HEG1: variants seen among roughly 807,000 people sequenced by gnomAD.
HEG1 encodes the protein protein HEG homolog 1.
In HEG1, 56 loss-of-function variants were observed where a neutral mutation model predicts 125.6. The ratio of observed to expected loss-of-function variants is 0.45; its 90% CI spans 0.36 to 0.56. The LOEUF (loss-of-function observed/expected upper bound fraction) is 0.56. HEG1 is among the 20% of genes least tolerant of loss of function. The probability of loss-of-function intolerance (pLI) is 0.00; values close to 1 mark genes in which losing one functional copy is unlikely to be tolerated. For missense variants in HEG1, 1,523 were observed against 1,670.0 expected (o/e 0.91, Z 1.53); for synonymous variants, 644 against 668.5 (o/e 0.96, Z 0.57).
chr3:125,046,571 CA>C (rs1313625226), intron 1 of HEG1, among the ~76,000 whole-genome samples: 8 of 152,094 alleles, frequency 5.3e-5, no homozygotes, highest in African/African-American at 1.9e-4. Flanking sequence ...GTGCCCGACC[CA>C]ACTGGCTAGT....
intron 1 of HEG1, among the ~76,000 whole-genome samples, chr3:125,050,702 C>T (rs1292075056): frequency 6.6e-6 from 1 of 152,136 alleles, no homozygotes; most frequent in Non-Finnish European, 1.5e-5. Flanking sequence ...CTGAATGTTC[C>T]CTGGGGGCAT....
Position 125,029,346 on chromosome 3 carries a change from A to G in HEG1, c.459T>C (p.Ala153=). The G allele has an allele frequency of 6.2e-7, 1 of 1,613,966 alleles. No homozygotes were observed. The highest frequency in any genetic ancestry group is 8.5e-7 in the Non-Finnish European group (1 of 1,179,904). ...MVQTSGKSHA[A]SDAPENLTLL... is the part of the protein sequence containing the mutation. ...GAGTGAGGTTTTCTGGAGCATCCGA[A>G]GCAGCATGGCTCTTCCCAGAGGTCT... Residue 153 remains alanine, a synonymous_variant, in exon 2 of 17, where the codon GCT becomes GCC. Transcript: ENST00000311127.
rs139844815 is a variant in HEG1 at position 124,972,376 on chromosome 3, A to C, written c.3996+1355T>G. On this transcript the variant is annotated intron_variant, in intron 16 of 16. Transcript: ENST00000311127. ...TAAACAGAGAAACAAAGCCCAATGC[A>C]GAAATATCAATGGGAATATTTTTGC... 9.2e-3 allele frequency among the ~76,000 whole-genome samples: 1,407 copies of C among 152,384 alleles called. 15 individuals are homozygous for C. The highest frequency in any genetic ancestry group is 0.014 in the Non-Finnish European group (986 of 68,044).
At chr3:125,002,870 T>C (rs139346186) in intron 9 of HEG1, among the ~76,000 whole-genome samples, 3 of 152,354 alleles carry the variant, frequency 2.0e-5, no homozygotes, top group Non-Finnish European at 4.4e-5. Flanking sequence ...GTTTGCCTTG[T>C]GCCCTTGGAG....
chr3:125,012,562 G>T, intron 6 of HEG1, 61 bp downstream of exon 6: 1 of 1,481,648 alleles, frequency 6.7e-7, no homozygotes, highest in Non-Finnish European at 9.1e-7. Context: ...CGAGCCCCAT[G>T]TAGCTCTCAG....
At chr3:124,990,630 C>T (rs376361799) in intron 14 of HEG1, among the ~76,000 whole-genome samples, 157 bp downstream of exon 14, 10 of 152,202 alleles carry the variant, frequency 6.6e-5, no homozygotes, top group East Asian at 5.8e-4. Flanking sequence ...TGAGCCACCA[C>T]GTCTGGCCTT....
At chr3:125,010,369 A>C (rs1348388876) in intron 7 of HEG1, 70 bp downstream of exon 7, 1 of 893,698 alleles carries the variant, frequency 1.1e-6, no homozygotes, top group Non-Finnish European at 1.7e-6. Context: ...TTTTGGAGGA[A>C]AAAGGAGTTT....
At chr3:125,009,630 A>G (rs1265605972) in intron 8 of HEG1, 75 bp downstream of exon 8, 16 of 1,445,186 alleles carry the variant, frequency 1.1e-5, no homozygotes, top group Non-Finnish European at 1.5e-5. Flanking sequence ...TTGGTTAGCA[A>G]GAAAAATAAC....
Position 124,969,121 on chromosome 3 carries a change from T to C in HEG1, c.*1531A>G, listed in dbSNP as rs938029027. On this transcript the variant is annotated 3_prime_UTR_variant, in exon 17 of 17. Coordinates refer to ENST00000311127, the MANE Select transcript of HEG1 (RefSeq NM_020733.2). Reference sequence around the variant, plus strand: ...GAACTGTCCCCAGTGGCTGCACCATTTCCAGAAATGTGAAGCGGGACTCCC... The same window carrying C: ...GAACTGTCCCCAGTGGCTGCACCATCTCCAGAAATGTGAAGCGGGACTCCC... The C allele has an allele frequency of 4.6e-5, 7 of 152,150 alleles. No homozygotes were observed. The highest frequency in any genetic ancestry group is 1.0e-4 in the Non-Finnish European group (7 of 68,030). The allele number at this position is 152,150 out of a possible 1,614,324, so 9.4% of individuals were successfully genotyped here.
chr3:125,022,397 G>T (rs1215701924), intron 3 of HEG1, among the ~76,000 whole-genome samples: 1 of 26,868 alleles, frequency 3.7e-5, no homozygotes, highest in Non-Finnish European at 6.9e-5. Context: ...TCACTACAGC[G>T]AGAGAGAGAG....
intron 8 of HEG1, among the ~76,000 whole-genome samples, chr3:125,005,680 C>T (rs191625300): frequency 1.7e-4 from 26 of 152,210 alleles, no homozygotes; most frequent in African/African-American, 1.7e-4. Context: ...GATGGCCTCC[C>T]GCACAATAGA....
intron 14 of HEG1, among the ~76,000 whole-genome samples, chr3:124,980,053 T>A (rs1936620779): frequency 6.6e-6 from 1 of 152,134 alleles, no homozygotes; most frequent in Non-Finnish European, 1.5e-5. Flanking sequence ...CTTCCTTACC[T>A]CCCAACACAT....
At chr3:125,055,373 G>A (rs1265934379) in intron 1 of HEG1, among the ~76,000 whole-genome samples, 1 of 152,148 alleles carries the variant, frequency 6.6e-6, no homozygotes, top group Non-Finnish European at 1.5e-5. Context: ...AGGAGAACGG[G>A]ATAGTCACAC....
At chr3:124,981,447 T>C (rs1307555082) in intron 14 of HEG1, among the ~76,000 whole-genome samples, 1 of 152,298 alleles carries the variant, frequency 6.6e-6, no homozygotes, top group East Asian at 1.9e-4. Flanking sequence ...AGACCACAAG[T>C]TGTGTAGCAC....
At chr3:124,981,760 C>T (rs780835856) in intron 14 of HEG1, among the ~76,000 whole-genome samples, 4 of 152,208 alleles carry the variant, frequency 2.6e-5, no homozygotes, top group Non-Finnish European at 4.4e-5. Flanking sequence ...AATGTTTGCA[C>T]AAGTTAGCAC....
intron 16 of HEG1, 63 bp from the exon 17 acceptor site, chr3:124,970,864 T>A: frequency 7.3e-7 from 1 of 1,365,594 alleles, no homozygotes; most frequent in Non-Finnish European, 1.0e-6. Flanking sequence ...ATTGCAGTGT[T>A]AAATCCCAAT....
intron 8 of HEG1, among the ~76,000 whole-genome samples, chr3:125,009,328 CTT>C (rs949746009): frequency 6.7e-6 from 1 of 148,454 alleles, no homozygotes; most frequent in African/African-American, 2.5e-5. Context: ...ATCCTTTTGA[CTT>C]TTTTTTTCCT....
At chr3:125,034,326 CCAGA>C (rs1299490377) in intron 1 of HEG1, among the ~76,000 whole-genome samples, 2 of 151,340 alleles carry the variant, frequency 1.3e-5, no homozygotes, top group East Asian at 3.9e-4. Flanking sequence ...GCTAGAATTA[CCAGA>C]CAAAGAAGTA....
At chr3:125,015,580 T>C (rs1937233138) in intron 5 of HEG1, among the ~76,000 whole-genome samples, 1 of 152,214 alleles carries the variant, frequency 6.6e-6, no homozygotes, top group Admixed American at 6.5e-5. Flanking sequence ...ATGTGTTTTA[T>C]TCTATTGATG....
Sources: allele counts gnomAD v4.1 joint callset (sites outside exome capture counted in the v4.1 genomes callset), GRCh38; gene constraint gnomAD v4.1.1; transcripts MANE v1.5; gene names NCBI Gene and HGNC (gene_info 2026-07-23, HGNC 2026-07-21).